The following PDSS2 variants were observed in gnomAD, a reference collection of about 807,000 sequenced individuals.
PDSS2 encodes the protein all trans-polyprenyl-diphosphate synthase PDSS2.
Under a neutral mutation model 44.5 loss-of-function variants are expected in PDSS2, and 31 were observed. The observed-to-expected ratio is 0.70, with a 90% CI of 0.52 to 0.94. The LOEUF is 0.94. Among genes scored for constraint, PDSS2 ranks in the 40% least tolerant of loss-of-function variants. The pLI, the probability that PDSS2 is intolerant of heterozygous loss-of-function variation, is 0.00. For synonymous variants in PDSS2, 157 were observed against 180.3 expected, an observed-to-expected ratio of 0.87 and a Z score of 1.03; for missense variants, 452 against 482.2, an observed-to-expected ratio of 0.94 and a Z score of 0.59.
chr6:107,323,312 A>T (rs1019578126), intron 2 of PDSS2, among the ~76,000 whole-genome samples: 11 of 152,222 alleles, frequency 7.2e-5, no homozygotes, highest in Admixed American at 3.9e-4. Flanking sequence ...TTTCTTATTC[A>T]TAAGAAATAT....
At chr6:107,156,649 T>G (rs2115090070) in intron 7 of PDSS2, among the ~76,000 whole-genome samples, 1 of 152,304 alleles carries the variant, frequency 6.6e-6, no homozygotes, top group South Asian at 2.1e-4. Context: ...CTATGAGTTG[T>G]GAATGAGGGA....
chr6:107,348,193 T>A (rs908563308), intron 1 of PDSS2, among the ~76,000 whole-genome samples: 8 of 152,186 alleles, frequency 5.3e-5, no homozygotes, highest in Non-Finnish European at 8.8e-5. Context: ...ATGCTAATGT[T>A]TTTATAGCAT....
chr6:107,429,222 C>T (rs768766902), intron 1 of PDSS2, among the ~76,000 whole-genome samples: 18 of 152,150 alleles, frequency 1.2e-4, no homozygotes, highest in Admixed American at 1.2e-3. Context: ...GCCTTATTTC[C>T]TGTGGCTACA....
rs752706483 is a variant in PDSS2, at chr6:107,371,308, A to T, written c.297-36976T>A. On this transcript the variant is annotated intron_variant, in intron 1 of 7. Coordinates refer to ENST00000369037, the MANE Select transcript of PDSS2 (RefSeq NM_020381.4). ...AGTTATTCAACTCAAAGAAGTGGAC[A>T]AACTTCTTTTCACCAAAGGATTGGG... is the stretch of plus-strand genomic sequence containing the variant. 8.5e-5 allele frequency among the ~76,000 whole-genome samples: 13 copies of T among 152,236 alleles called. 1 individual carries two copies. The highest frequency in any genetic ancestry group is 1.8e-4 in the Non-Finnish European group (12 of 68,042).
rs184821909 is a variant in PDSS2, at chr6:107,334,468, G to A, written c.297-136C>T. 467 of 770,508 alleles carry A rather than the reference G, an allele frequency of 6.1e-4. 2 individuals carry two copies. The highest frequency in any genetic ancestry group is 4.7e-3 in the Middle Eastern group (18 of 3,812). The allele number at this position is 770,508 out of a possible 1,614,324, so 47.7% of individuals were successfully genotyped here. On this transcript the variant is annotated intron_variant, in intron 1 of 7. Coordinates refer to ENST00000369037, the MANE Select transcript of PDSS2 (RefSeq NM_020381.4). ...TACTGAAAAGAAACAGGGTCAGGGAGGAAAATTAATGTGAGGATGCCATGA... is the reference window on the plus strand; with the variant it reads ...TACTGAAAAGAAACAGGGTCAGGGAAGAAAATTAATGTGAGGATGCCATGA...
intron 2 of PDSS2, among the ~76,000 whole-genome samples, chr6:107,290,036 G>A (rs867459329): frequency 2.0e-5 from 3 of 152,124 alleles, no homozygotes; most frequent in South Asian, 2.1e-4. Flanking sequence ...GCCTCGGCCC[G>A]TGATTACAGG....
chr6:107,303,459 T>C (rs1421499221), intron 2 of PDSS2, among the ~76,000 whole-genome samples: 1 of 152,234 alleles, frequency 6.6e-6, no homozygotes, highest in Non-Finnish European at 1.5e-5. Context: ...CTTAGCATAT[T>C]TTCTTTCAGA....
At chr6:107,242,371 C>T (rs553682654) in intron 4 of PDSS2, among the ~76,000 whole-genome samples, 2 of 152,078 alleles carry the variant, frequency 1.3e-5, no homozygotes, top group South Asian at 4.2e-4. Flanking sequence ...TCACGCCATT[C>T]TCCTGCCTCA....
At chr6:107,393,619 A>C (rs1044179512) in intron 1 of PDSS2, among the ~76,000 whole-genome samples, 1 of 152,180 alleles carries the variant, frequency 6.6e-6, no homozygotes, top group African/African-American at 2.4e-5. Context: ...TCCTACTATA[A>C]CTATGGATTT....
At chr6:107,425,848 C>T (rs940532675) in intron 1 of PDSS2, among the ~76,000 whole-genome samples, 1 of 151,962 alleles carries the variant, frequency 6.6e-6, no homozygotes, top group African/African-American at 2.4e-5. Flanking sequence ...GTAGTCCCAG[C>T]TACTCGGGAG....
chr6:107,380,559 T>A (rs771785892), intron 1 of PDSS2, among the ~76,000 whole-genome samples: 4 of 152,164 alleles, frequency 2.6e-5, no homozygotes, highest in Non-Finnish European at 5.9e-5. Context: ...GGTGGTAGTA[T>A]CCAGCCTGGG....
rs9486592 is a variant in PDSS2, at chr6:107,348,224, T to C, written c.297-13892A>G. Among the ~76,000 whole-genome samples the C allele has an allele frequency of 8.1e-3, 1,231 of 152,314 alleles. 20 individuals are homozygous for C. The highest frequency in any genetic ancestry group is 0.026 in the African/African-American group (1,089 of 41,546). ...AGCATATACTATGAGCTATGCACTT[T>C]CACATGCACACAACAACTCTGAAGA... On this transcript the variant is annotated intron_variant, in intron 1 of 7. Coordinates refer to ENST00000369037, the MANE Select transcript of PDSS2 (RefSeq NM_020381.4).
At chr6:107,255,483 C>T (rs1012061170) in intron 3 of PDSS2, among the ~76,000 whole-genome samples, 4 of 152,012 alleles carry the variant, frequency 2.6e-5, no homozygotes, top group Non-Finnish European at 4.4e-5. Flanking sequence ...TGAGCTACCA[C>T]GCCAGGTCCT....
intron 1 of PDSS2, among the ~76,000 whole-genome samples, chr6:107,362,090 A>G (rs1778797333): frequency 6.6e-6 from 1 of 152,186 alleles, no homozygotes; most frequent in Non-Finnish European, 1.5e-5. Flanking sequence ...GGGGGCAGGC[A>G]GCAGACAAAC....
At position 107,210,474 on chromosome 6, in the gene PDSS2, G is replaced by A. The variant is rs1562377484; in HGVS notation, c.973C>T (p.Leu325Phe). The A allele has an allele frequency of 6.2e-7, 1 of 1,609,868 alleles. No individual in the cohort carries two copies. Among genetic ancestry groups the A allele is most frequent in the Admixed American group, 1.7e-5 (1 of 60,000 alleles). ...TGTTTAATCCACAAATCTCTTCCAA[G>A]AAATTCCTGATGTAAGACTACAGGA... ...SAPVVLHQEF[L>F]GRDLWIKQIG... is the part of the protein sequence containing the mutation. Residue 325 changes from leucine to phenylalanine, a missense_variant, in exon 6 of 8, where the codon CTT becomes TTT. Transcript: ENST00000369037.
chr6:107,296,532 C>T (rs1300864777), intron 2 of PDSS2, among the ~76,000 whole-genome samples: 3 of 152,082 alleles, frequency 2.0e-5, no homozygotes, highest in Admixed American at 6.6e-5. Flanking sequence ...TTGAGACCAG[C>T]CTGGCCAATA....
intron 1 of PDSS2, among the ~76,000 whole-genome samples, chr6:107,437,291 G>C (rs1781379324): frequency 6.6e-6 from 1 of 152,152 alleles, no homozygotes; most frequent in Non-Finnish European, 1.5e-5. Context: ...GGAGGCCAAG[G>C]TGGGCAGATC....
At chr6:107,225,153 ATATATATATTTTTTTTTTTTT>A (rs1773760264) in intron 4 of PDSS2, among the ~76,000 whole-genome samples, 1 of 55,118 alleles carries the variant, frequency 1.8e-5, no homozygotes, top group Non-Finnish European at 2.9e-5. Flanking sequence ...ATATATATAT[ATATATATATTTTTTTTTTTTT>A]TTTTTTTTTT....
At chr6:107,456,377 C>T (rs1782044510) in intron 1 of PDSS2, among the ~76,000 whole-genome samples, 1 of 152,132 alleles carries the variant, frequency 6.6e-6, no homozygotes, top group Non-Finnish European at 1.5e-5. Context: ...CAGAATTTCA[C>T]ACACAGTAAA....
Sources: allele counts gnomAD v4.1 joint callset (sites outside exome capture counted in the v4.1 genomes callset), GRCh38; gene constraint gnomAD v4.1.1; transcripts MANE v1.5; gene names NCBI Gene and HGNC (gene_info 2026-07-23, HGNC 2026-07-21).